DGKB: variants seen among roughly 807,000 people sequenced by gnomAD.
DGKB encodes the protein 90 kDa diacylglycerol kinase.
DGKB carries 67 observed loss-of-function variants against 114.3 expected under a neutral mutation model. The ratio of observed to expected loss-of-function variants is 0.59; its 90% confidence interval spans 0.48 to 0.72. The LOEUF is 0.72. Ranked by LOEUF, DGKB falls within the 30% of genes least tolerant of loss-of-function variation. The pLI is 0.00. For missense variants in DGKB, 907 were observed against 975.2 expected, an observed-to-expected ratio of 0.93 and a Z score of 0.93; for synonymous variants, 398 against 323.1, an observed-to-expected ratio of 1.23 and a Z score of -2.49.
At chr7:14,666,986 A>G (rs181633326) in intron 13 of DGKB, among the ~76,000 whole-genome samples, 155 of 152,150 alleles carry the variant, frequency 1.0e-3, no homozygotes, top group African/African-American at 3.6e-3. Flanking sequence ...TATGATAATA[A>G]TTTTAATTTC....
chr7:14,391,875 A>G (rs1333955119), intron 21 of DGKB, among the ~76,000 whole-genome samples: 1 of 152,184 alleles, frequency 6.6e-6, no homozygotes, highest in Non-Finnish European at 1.5e-5. Flanking sequence ...ATATTGAGAG[A>G]CTTTACTAAT....
intron 2 of DGKB, among the ~76,000 whole-genome samples, chr7:14,814,582 G>A (rs959256423): frequency 4.6e-5 from 7 of 151,910 alleles, no homozygotes; most frequent in African/African-American, 1.7e-4. Context: ...TAAATGTTTG[G>A]GTATTGGTAT....
intron 20 of DGKB, among the ~76,000 whole-genome samples, chr7:14,480,218 C>A (rs1251993787): frequency 6.6e-6 from 1 of 151,972 alleles, no homozygotes; most frequent in East Asian, 1.9e-4. Flanking sequence ...CCTAGAAACA[C>A]AGGACTACAT....
At chr7:14,730,091 C>T (rs994083394) in intron 5 of DGKB, among the ~76,000 whole-genome samples, 2 of 152,026 alleles carry the variant, frequency 1.3e-5, no homozygotes, top group Non-Finnish European at 2.9e-5. Flanking sequence ...TTGTGTAGTC[C>T]AACAGAAACA....
At position 14,229,494 on chromosome 7, in the gene DGKB, A is replaced by T. The variant is rs149876513; in HGVS notation, c.2123-51343T>A. On this transcript the variant is annotated intron_variant, in intron 23 of 25. Transcript: ENST00000402815. ...TAATCATATGGGTCTAGAGTTGTAT[A>T]TGCAGTTGTCATTGACTGAAATGTC... Among the ~76,000 whole-genome samples the T allele has an allele frequency of 2.8e-3, 428 of 152,130 alleles. 3 individuals carry two copies. Among genetic ancestry groups the T allele is most frequent in the African/African-American group, 0.01 (418 of 41,560 alleles).
At chr7:14,676,612 T>C (rs1053815607) in intron 12 of DGKB, among the ~76,000 whole-genome samples, 1 of 152,030 alleles carries the variant, frequency 6.6e-6, no homozygotes. Context: ...TCATCAACAA[T>C]AGAAAGTTGC....
intron 23 of DGKB, among the ~76,000 whole-genome samples, chr7:14,204,808 G>C (rs1471859713): frequency 1.3e-5 from 2 of 151,994 alleles, no homozygotes; most frequent in East Asian, 3.9e-4. Flanking sequence ...CGTTCATGTA[G>C]ATCAATTCTA....
rs139162231 is a variant in DGKB at position 14,822,597 on chromosome 7, G to A, written c.70+18597C>T. ...AGAAGCCAGACAGCTAAGTAGAACAGGGAGTAGATATGTTTGGTCAAGCTG... is the reference window on the plus strand; with the variant it reads ...AGAAGCCAGACAGCTAAGTAGAACAAGGAGTAGATATGTTTGGTCAAGCTG... On this transcript the variant is annotated intron_variant, in intron 2 of 25. Coordinates refer to ENST00000402815, the MANE Select transcript of DGKB (RefSeq NM_001350709.2). Among the ~76,000 whole-genome samples, 1,318 of 152,222 alleles carry A rather than the reference G, an allele frequency of 8.7e-3. 14 individuals carry two copies. The highest frequency in any genetic ancestry group is 0.03 in the African/African-American group (1,267 of 41,560).
At chr7:14,199,438 G>A (rs1220931511) in intron 23 of DGKB, among the ~76,000 whole-genome samples, 8 of 151,952 alleles carry the variant, frequency 5.3e-5, no homozygotes, top group African/African-American at 1.4e-4. Context: ...GGACACCTCC[G>A]GAAAGGGCAA....
chr7:14,567,923 T>C (rs958958018), intron 20 of DGKB, among the ~76,000 whole-genome samples: 3 of 151,822 alleles, frequency 2.0e-5, no homozygotes, highest in Non-Finnish European at 4.4e-5. Flanking sequence ...CCTGTGTCTT[T>C]AATTTACTCC....
chr7:14,607,532 A>C lies in DGKB; in HGVS notation c.1359-24T>G. 2.6e-6 allele frequency: 3 copies of C among 1,135,132 alleles called. No individual in the cohort carries two copies. The South Asian group carries it at 3.9e-5, about 15-fold the overall frequency. 70.3% of individuals were successfully genotyped at this position (1,135,132 alleles called of 1,614,324 possible). A position where few individuals can be genotyped will look rare whatever the true frequency, so the allele number is the denominator to read the frequency against. Reference sequence around the variant, plus strand: ...TTCTATAAAGGTGAAAATGTGGGGAAAAAATTTAATAATATTCAATACTTT... The same window carrying C: ...TTCTATAAAGGTGAAAATGTGGGGACAAAATTTAATAATATTCAATACTTT... On this transcript the variant is annotated intron_variant, in intron 16 of 25. Coordinates refer to ENST00000402815, the MANE Select transcript of DGKB (RefSeq NM_001350709.2).
At chr7:14,859,277 G>C (rs1850630425) in intron 1 of DGKB, among the ~76,000 whole-genome samples, 1 of 152,094 alleles carries the variant, frequency 6.6e-6, no homozygotes, top group African/African-American at 2.4e-5. Context: ...ATCAAGAAAA[G>C]AGGAAGGTAA....
intron 1 of DGKB, among the ~76,000 whole-genome samples, chr7:14,883,882 C>G (rs918568031): frequency 6.6e-6 from 1 of 151,942 alleles, no homozygotes; most frequent in African/African-American, 2.4e-5. Flanking sequence ...ACCCAACAAA[C>G]AAGTGGATTA....
chr7:14,694,901 A>G (rs1049390227), intron 8 of DGKB, among the ~76,000 whole-genome samples: 1 of 152,216 alleles, frequency 6.6e-6, no homozygotes, highest in Non-Finnish European at 1.5e-5. Context: ...TGGAAATTAT[A>G]TATAAGTTCC....
intron 23 of DGKB, among the ~76,000 whole-genome samples, chr7:14,302,400 T>A (rs1803715918): frequency 6.6e-6 from 1 of 152,134 alleles, no homozygotes; most frequent in Admixed American, 6.6e-5. Flanking sequence ...ACCTGTGTGC[T>A]GTATTTATAC....
intron 25 of DGKB, among the ~76,000 whole-genome samples, chr7:14,168,132 A>C: frequency 6.6e-6 from 1 of 152,332 alleles, no homozygotes; most frequent in East Asian, 1.9e-4. Flanking sequence ...AAAATGAATC[A>C]CTGGAAATTT....
intron 23 of DGKB, among the ~76,000 whole-genome samples, chr7:14,194,984 CAAAT>C (rs1197721073): frequency 6.6e-6 from 1 of 152,062 alleles, no homozygotes; most frequent in East Asian, 1.9e-4. Context: ...GGAACGCAAC[CAAAT>C]AAATAAGTAT....
At chr7:14,437,199 C>G (rs774911611) in intron 21 of DGKB, among the ~76,000 whole-genome samples, 13 of 151,834 alleles carry the variant, frequency 8.6e-5, no homozygotes, top group Admixed American at 2.6e-4. Context: ...AGAACAACAA[C>G]AATAAGAAAA....
chr7:14,929,022 T>TACACAC (rs3036022), intron 1 of DGKB, among the ~76,000 whole-genome samples: 10,776 of 146,782 alleles, frequency 0.073, 419 homozygotes, highest in African/African-American at 0.097. Flanking sequence ...GCATTGTGTA[T>TACACAC]ACACACACAC....
Sources: allele counts gnomAD v4.1 joint callset (sites outside exome capture counted in the v4.1 genomes callset), GRCh38; gene constraint gnomAD v4.1.1; transcripts MANE v1.5; gene names NCBI Gene and HGNC (gene_info 2026-07-23, HGNC 2026-07-21).